The following ZNF26 variants were observed in gnomAD, a reference collection of about 807,000 sequenced individuals.
ZNF26 encodes epididymis luminal protein 179.
A neutral mutation model predicts 54.9 loss-of-function variants in ZNF26; 32 were observed. The ratio of observed to expected loss-of-function variants is 0.58; its 90% confidence interval spans 0.44 to 0.78. The LOEUF (loss-of-function observed/expected upper bound fraction) is 0.78, where lower values mean the gene tolerates loss of function less well. Among genes scored for constraint, ZNF26 ranks in the 30% least tolerant of loss-of-function variants. The probability of loss-of-function intolerance (pLI) is 0.00; values close to 1 mark genes in which losing one functional copy is unlikely to be tolerated. For synonymous variants in ZNF26, 221 were observed against 209.2 expected (o/e 1.06, Z -0.49); for missense variants, 524 against 634.0 (o/e 0.83, Z 1.86).
chr12:133,001,692 G>C lies in ZNF26; in HGVS notation c.34-5350G>C. On this transcript the variant is annotated intron_variant, in intron 1 of 3. Transcript: ENST00000328654. The surrounding 1 kb of genome is among the most constrained non-coding windows in gnomAD (Gnocchi z 4.7). ...CAAGTGTCAAGTTCGGGAATCTTCT[G>C]GGTGTTCCTTGGGCCCAGGGAAACA... 7.8e-7 allele frequency: 1 copy of C among 1,289,174 alleles called. No individual in the cohort carries two copies. Among genetic ancestry groups the C allele is most frequent in the Non-Finnish European group, 1.0e-6 (1 of 988,700 alleles). 79.9% of individuals were successfully genotyped at this position (1,289,174 alleles called of 1,614,324 possible).
chr12:132,990,495 T>C (rs948822006), intron 1 of ZNF26, among the ~76,000 whole-genome samples: 14 of 152,196 alleles, frequency 9.2e-5, no homozygotes, highest in African/African-American at 3.4e-4. Context: ...TATGAGATAA[T>C]TTTTCTGTAG....
Position 133,011,394 on chromosome 12 carries a change from C to A in ZNF26, c.1515C>A (p.Thr505=), listed in dbSNP as rs3825108. The change falls in exon 4 of 4, where the codon ACC becomes ACA. Residue 505 remains threonine (T), a synonymous_variant. Transcript: ENST00000328654. The stretch of plus-strand genomic sequence containing the variant: ...TCAGTGAACATCAGAGAGTTCACAC[C>A]GGAGAGAAACCATGGAAATGCTCTG... ...SSLSEHQRVH[T]GEKPWKCSEC... 1.7e-5 allele frequency: 27 copies of A among 1,611,210 alleles called. No individual in the cohort carries two copies. Among genetic ancestry groups the A allele is most frequent in the Admixed American group, 5.0e-5 (3 of 59,696 alleles).
At chr12:132,992,776 G>A (rs1432568814) in intron 1 of ZNF26, among the ~76,000 whole-genome samples, 1 of 152,120 alleles carries the variant, frequency 6.6e-6, no homozygotes, top group African/African-American at 2.4e-5. Flanking sequence ...GTCAGGCACC[G>A]ACTGTCTTTC....
rs1354958414 is a variant in ZNF26, at chr12:133,013,589, G to A, written c.*2108G>A. On this transcript the variant is annotated 3_prime_UTR_variant, in exon 4 of 4. Transcript: ENST00000328654. ...TGATAGACTTTGAATAGGAATGTCT[G>A]GGAAGAACCTGAGGACTCAGCCTAG... 1 of 158,944 alleles carries A rather than the reference G, an allele frequency of 6.3e-6. No homozygotes were observed. Among genetic ancestry groups the A allele is most frequent in the Non-Finnish European group, 1.4e-5 (1 of 71,048 alleles). 9.8% of individuals were successfully genotyped at this position (158,944 alleles called of 1,614,324 possible).
rs1953226369 is a variant in ZNF26, at chr12:133,001,884, A to G, written c.34-5158A>G. Among the ~76,000 whole-genome samples, 1 of 152,176 alleles carries G rather than the reference A, an allele frequency of 6.6e-6. No homozygotes were observed. The highest frequency in any genetic ancestry group is 1.5e-5 in the Non-Finnish European group (1 of 68,038). ...CTTGTTTACTTAAATTCTTAAGTAC[A>G]TGTCAGTTCCTTCTGAAAATTACCC... On this transcript the variant is annotated intron_variant, in intron 1 of 3. Transcript: ENST00000328654. This position sits in a 1 kb window ranked among gnomAD's most constrained non-coding sequence, Gnocchi z 4.7.
At position 133,011,088 on chromosome 12, in the gene ZNF26, T is replaced by C. The variant is rs1953461842; in HGVS notation, c.1209T>C (p.Cys403=). The change falls in exon 4 of 4, where the codon TGT becomes TGC. Residue 403 remains cysteine (C), a synonymous_variant. Coordinates refer to ENST00000328654, the MANE Select transcript of ZNF26 (RefSeq NM_019591.4). The part of the protein sequence containing the change: ...AGEKPYGCSE[C]GKAFSSKSYL... Reference sequence around the variant, plus strand: ...AGAAGCCCTATGGATGCAGTGAATGTGGGAAGGCTTTCAGCAGCAAGTCAT... The same window carrying C: ...AGAAGCCCTATGGATGCAGTGAATGCGGGAAGGCTTTCAGCAGCAAGTCAT... 1.2e-6 allele frequency: 2 copies of C among 1,613,946 alleles called. No homozygotes were observed. The highest frequency in any genetic ancestry group is 1.3e-5 in the African/African-American group (1 of 74,876).
Position 132,986,707 on chromosome 12 carries a change from C to G in ZNF26, c.-134C>G. 1 of 929,070 alleles carries G rather than the reference C, an allele frequency of 1.1e-6. No homozygotes were observed. The highest frequency in any genetic ancestry group is 1.6e-6 in the Non-Finnish European group (1 of 624,720). 57.6% of individuals were successfully genotyped at this position (929,070 alleles called of 1,614,324 possible). ...GCTGAGGAGCCGGCGTCCCTGCCAACGACTCGGCCCCGGGACGGTCAGGAG... is the reference window on the plus strand; with the variant it reads ...GCTGAGGAGCCGGCGTCCCTGCCAAGGACTCGGCCCCGGGACGGTCAGGAG... On this transcript the variant is annotated 5_prime_UTR_variant, in exon 1 of 4. Coordinates refer to ENST00000328654, the MANE Select transcript of ZNF26 (RefSeq NM_019591.4).
chr12:132,999,831 G>A (rs1302897201), intron 1 of ZNF26, among the ~76,000 whole-genome samples: 15 of 151,672 alleles, frequency 9.9e-5, no homozygotes, highest in South Asian at 4.2e-4. Flanking sequence ...CACCATGCCC[G>A]GTTAATTTTT....
intron 1 of ZNF26, chr12:133,006,581 T>C (rs1354735209): frequency 6.5e-6 from 1 of 154,324 alleles, no homozygotes; most frequent in Non-Finnish European, 1.4e-5. Context: ...AGCTCCTTGA[T>C]TGATTTTTTC....
At position 133,010,782 on chromosome 12, in the gene ZNF26, C is replaced by T. The variant is rs903171248; in HGVS notation, c.903C>T (p.Phe301=). The T allele has an allele frequency of 7.4e-6, 12 of 1,613,786 alleles. No individual in the cohort carries two copies. Among genetic ancestry groups the T allele is most frequent in the African/African-American group, 1.3e-5 (1 of 74,872 alleles). ...AAGCCTTTAGTTTGAAGTCTCCATT[C>T]GTTGTACACCAGAGAACTCATACAG... is the stretch of plus-strand genomic sequence containing the variant. The part of the protein sequence containing the change: ...CGKAFSLKSP[F]VVHQRTHTGV... Residue 301 remains phenylalanine (F), a synonymous_variant, in exon 4 of 4, where the codon TTC becomes TTT. Transcript: ENST00000328654.
intron 1 of ZNF26, among the ~76,000 whole-genome samples, chr12:132,991,658 C>G (rs1593634025): frequency 8.8e-6 from 1 of 113,916 alleles, no homozygotes; most frequent in African/African-American, 3.2e-5. Context: ...AAAAAAAAAA[C>G]CAGGTGTGCT....
intron 3 of ZNF26, among the ~76,000 whole-genome samples, chr12:133,008,543 G>A (rs1332619523): frequency 2.0e-5 from 3 of 152,040 alleles, no homozygotes; most frequent in Non-Finnish European, 2.9e-5. Flanking sequence ...TTGGGAGGCC[G>A]AGGCGGGTGG....
Position 132,986,848 on chromosome 12 carries a change from C to G in ZNF26, c.8C>G (p.Thr3Ser). ...GCGAACGTGGGCGTGGGGATGGCCA[C>G]CAGTTTCCGGACAGCTTCGTGCTGG... MATSFRTASCWGL... is the reference protein window; with the variant it reads MASSFRTASCWGL... Residue 3 changes from threonine to serine, a missense_variant, in exon 1 of 4, where the codon ACC becomes AGC. Thr to Ser is a moderately conservative substitution (Grantham distance 58). Coordinates refer to ENST00000328654, the MANE Select transcript of ZNF26 (RefSeq NM_019591.4). The G allele has an allele frequency of 6.2e-7, 1 of 1,607,240 alleles. No homozygotes were observed. The highest frequency in any genetic ancestry group is 8.5e-7 in the Non-Finnish European group (1 of 1,176,968).
chr12:132,995,301 G>A (rs1393593109), intron 1 of ZNF26: 2 of 152,278 alleles, frequency 1.3e-5, no homozygotes, highest in Admixed American at 1.3e-4. Flanking sequence ...GAGAAGGATG[G>A]TTTGCTCCAC....
At chr12:132,996,608 G>C (rs1953089844) in intron 1 of ZNF26, among the ~76,000 whole-genome samples, 1 of 152,184 alleles carries the variant, frequency 6.6e-6, no homozygotes, top group South Asian at 2.1e-4. Flanking sequence ...AAATTAATTT[G>C]TGGAAAATTA....
chr12:133,018,658 T>G lies in ZNF26; in HGVS notation c.*7177T>G, dbSNP rs1044599439. On this transcript the variant is annotated 3_prime_UTR_variant, in exon 4 of 4. Transcript: ENST00000328654. ...TCTAACTATATCAATAATAACTTTT[T>G]TTTAAGAGGGTCTTGCTCTATTGCC... is the stretch of plus-strand genomic sequence containing the variant. 1 of 152,216 alleles carries G rather than the reference T, an allele frequency of 6.6e-6. No individual in the cohort carries two copies. The highest frequency in any genetic ancestry group is 1.5e-5 in the Non-Finnish European group (1 of 68,034). 9.4% of individuals were successfully genotyped at this position (152,216 alleles called of 1,614,324 possible). A position where few individuals can be genotyped will look rare whatever the true frequency, so the allele number is the denominator to read the frequency against.
chr12:132,988,936 A>G (rs1316123831), intron 1 of ZNF26, among the ~76,000 whole-genome samples: 1 of 150,918 alleles, frequency 6.6e-6, no homozygotes, highest in East Asian at 1.9e-4. Context: ...TTCAGCTTAC[A>G]CCTGTGTACA....
Position 132,986,747 on chromosome 12 carries a change from C to G in ZNF26, c.-94C>G, listed in dbSNP as rs61953666. ...ACGGTCAGGAGCCTGGGGCCCTGGT[C>G]CCGCACCTGTCTTCGGGCGGACGCA... On this transcript the variant is annotated 5_prime_UTR_variant, in exon 1 of 4. Coordinates refer to ENST00000328654, the MANE Select transcript of ZNF26 (RefSeq NM_019591.4). 372,920 of 1,411,932 alleles carry G rather than the reference C, an allele frequency of 0.26. 53,256 individuals carry two copies. Among genetic ancestry groups the G allele is most frequent in the Non-Finnish European group, 0.3 (304,920 of 1,030,838 alleles). 87.5% of individuals were successfully genotyped at this position (1,411,932 alleles called of 1,614,324 possible).
chr12:133,010,430 G>T lies in ZNF26; in HGVS notation c.551G>T (p.Arg184Leu). ...CVCSECGKAF[R>L]CKSQLIVHLR... ...TGTAGTGAATGTGGGAAAGCTTTTC[G>T]TTGTAAGTCACAGCTCATTGTACAT... The change falls in exon 4 of 4, where the codon CGT becomes CTT. Residue 184 changes from arginine (R) to leucine (L), a missense_variant. By Grantham distance (102) the Arg-to-Leu change is moderately radical. Transcript: ENST00000328654. 6.2e-7 allele frequency: 1 copy of T among 1,614,140 alleles called. No homozygotes were observed. The highest frequency in any genetic ancestry group is 8.5e-7 in the Non-Finnish European group (1 of 1,180,020).
Sources: gnomAD v4.1 joint callset for allele counts (sites outside exome capture counted in the v4.1 genomes callset) on GRCh38, gnomAD v4.1.1 for gene constraint, Gnocchi (gnomAD v3.1) non-coding constraint, MANE v1.5 for transcripts, NCBI Gene and HGNC (gene_info 2026-07-23, HGNC 2026-07-21) for gene names.